Variants in DISC1 observed in about 807,000 individuals in gnomAD.
DISC1 encodes DISC1 scaffold protein.
In DISC1, 57 loss-of-function variants were observed where a neutral mutation model predicts 84.5. The ratio of observed to expected loss-of-function variants is 0.67; its 90% CI spans 0.55 to 0.84. DISC1 has a LOEUF of 0.84. DISC1 is among the 40% of genes least tolerant of loss of function. The pLI is 0.00. For missense variants in DISC1, 1,000 were observed against 1,057.8 expected (o/e 0.95, Z 0.76); for synonymous variants, 411 against 415.2 (o/e 0.99, Z 0.12).
chr1:231,686,883 C>G (rs2064345699), intron 1 of DISC1, among the ~76,000 whole-genome samples: 1 of 152,158 alleles, frequency 6.6e-6, no homozygotes, highest in Admixed American at 6.5e-5. Context: ...GCCAGATACC[C>G]TAAATCATCC....
intron 9 of DISC1, among the ~76,000 whole-genome samples, chr1:231,864,742 G>A (rs1399839542): frequency 3.3e-5 from 5 of 152,248 alleles, no homozygotes; most frequent in East Asian, 3.9e-4. Flanking sequence ...CGTGATGACC[G>A]TTTAAAAAGA....
chr1:231,745,076 T>C lies in DISC1; in HGVS notation c.1118-4850T>C, dbSNP rs544051781. 5.3e-5 allele frequency among the ~76,000 whole-genome samples: 8 copies of C among 152,294 alleles called. No homozygotes were observed. In the East Asian group the frequency reaches 1.3e-3, roughly 26 times the overall value. The stretch of plus-strand genomic sequence containing the variant: ...TTTAAATAAAAAAATTTAATATCTT[T>C]ATTTTTTGTCAATTGATTTTTCCCC... On this transcript the variant is annotated intron_variant, in intron 3 of 12. Transcript: ENST00000439617.
At chr1:231,947,422 G>A (rs183671709) in intron 9 of DISC1, among the ~76,000 whole-genome samples, 1 of 152,112 alleles carries the variant, frequency 6.6e-6, no homozygotes, top group African/African-American at 2.4e-5. Flanking sequence ...AACTGAAACT[G>A]GACCCCTTCC....
intron 10 of DISC1, among the ~76,000 whole-genome samples, chr1:231,996,214 T>G (rs572111995): frequency 4.7e-4 from 71 of 152,298 alleles, no homozygotes; most frequent in African/African-American, 1.7e-3. Flanking sequence ...TAAATTTGTT[T>G]GTGTTCATTG....
At chr1:231,886,812 TTTCTTTCTTTCTTTCTTTCTTTCC>T (rs1370021966) in intron 9 of DISC1, among the ~76,000 whole-genome samples, 1 of 144,456 alleles carries the variant, frequency 6.9e-6, no homozygotes, top group Non-Finnish European at 1.5e-5. Flanking sequence ...TCTTTCTTTC[TTTCTTTCTTTCTTTCTTTCTTTCC>T]TTCTTTCTTT....
rs1331912193 is a variant in DISC1 at position 231,934,691 on chromosome 1, T to C, written c.1982-24137T>C. Among the ~76,000 whole-genome samples the C allele has an allele frequency of 5.3e-5, 8 of 152,240 alleles. No individual in the cohort carries two copies. In the East Asian group the frequency reaches 1.5e-3, roughly 29 times the overall value. On this transcript the variant is annotated intron_variant, in intron 9 of 12. Transcript: ENST00000439617. Reference sequence around the variant, plus strand: ...TGTTAGGTTTCTTAGGTGAATGATCTGTTTAATAAAATTATTGGAAATGCA... The same window carrying C: ...TGTTAGGTTTCTTAGGTGAATGATCCGTTTAATAAAATTATTGGAAATGCA...
intron 9 of DISC1, among the ~76,000 whole-genome samples, chr1:231,839,716 T>G (rs762091250): frequency 5.3e-5 from 8 of 152,238 alleles, no homozygotes; most frequent in Non-Finnish European, 1.0e-4. Context: ...CTTATAGTTC[T>G]GCAGGCTGTA....
intron 9 of DISC1, among the ~76,000 whole-genome samples, chr1:231,898,541 T>C (rs1171291921): frequency 6.6e-6 from 1 of 152,328 alleles, no homozygotes; most frequent in South Asian, 2.1e-4. Context: ...TGGAAAGTTT[T>C]GAAGTAAACA....
At chr1:231,884,274 A>G (rs143208558) in intron 9 of DISC1, among the ~76,000 whole-genome samples, 8 of 152,358 alleles carry the variant, frequency 5.3e-5, no homozygotes, top group Middle Eastern at 3.4e-3. Flanking sequence ...TATAACAAAT[A>G]CAATAACAGG....
chr1:231,818,712 A>G (rs1174408294), intron 9 of DISC1, 195 bp downstream of exon 9: 8 of 1,423,476 alleles, frequency 5.6e-6, no homozygotes, highest in African/African-American at 1.4e-5. Flanking sequence ...TTTTGTTTTC[A>G]TATTCACATG....
intron 3 of DISC1, among the ~76,000 whole-genome samples, chr1:231,711,561 G>A (rs1464303240): frequency 1.3e-5 from 2 of 151,450 alleles, no homozygotes; most frequent in African/African-American, 4.9e-5. Flanking sequence ...ATAGAGACGG[G>A]GTTTCACCGT....
At chr1:231,857,887 G>A (rs1276328137) in intron 9 of DISC1, among the ~76,000 whole-genome samples, 2 of 152,172 alleles carry the variant, frequency 1.3e-5, no homozygotes, top group African/African-American at 4.8e-5. Context: ...GGTTTATAGA[G>A]GAGAAACCTA....
At chr1:231,756,727 T>C (rs1411449784) in intron 4 of DISC1, among the ~76,000 whole-genome samples, 1 of 152,188 alleles carries the variant, frequency 6.6e-6, no homozygotes, top group Non-Finnish European at 1.5e-5. Context: ...GTATATGGCT[T>C]GGTGTAGTTA....
At position 231,848,256 on chromosome 1, in the gene DISC1, C is replaced by T. The variant is rs564528560; in HGVS notation, c.1981+29739C>T. On this transcript the variant is annotated intron_variant, in intron 9 of 12. Coordinates refer to ENST00000439617, the MANE Select transcript of DISC1 (RefSeq NM_018662.3). ...TCAAGTTTGGGGCAGCATCAAACTG[C>T]GCCACTAGACTGCATCCCATGATGC... Among the ~76,000 whole-genome samples the T allele has an allele frequency of 3.0e-4, 45 of 152,092 alleles. No individual in the cohort carries two copies. The South Asian group carries it at 8.7e-3, about 30-fold the overall frequency.
At chr1:231,931,475 C>T (rs147792165) in intron 9 of DISC1, among the ~76,000 whole-genome samples, 84 of 152,210 alleles carry the variant, frequency 5.5e-4, no homozygotes, top group African/African-American at 1.9e-3. Flanking sequence ...CTCACTGGTT[C>T]CTGGCAGGGT....
chr1:232,024,362 C>G (rs77545015), intron 11 of DISC1, among the ~76,000 whole-genome samples: 4,442 of 152,150 alleles, frequency 0.029, 81 homozygotes, highest in East Asian at 0.053. Flanking sequence ...AGGTAGTTGG[C>G]CATTGGCATG....
intron 10 of DISC1, among the ~76,000 whole-genome samples, chr1:231,970,666 A>G (rs2102818233): frequency 6.6e-6 from 1 of 152,330 alleles, no homozygotes. Flanking sequence ...ACTTTCACTA[A>G]TAGAATAGAA....
chr1:231,761,532 T>C (rs2075665278), intron 4 of DISC1, among the ~76,000 whole-genome samples: 1 of 152,138 alleles, frequency 6.6e-6, no homozygotes. Context: ...AGAGTTTTGG[T>C]TAATCACAGG....
At chr1:231,665,101 T>C (rs1479761274) in intron 1 of DISC1, among the ~76,000 whole-genome samples, 1 of 152,168 alleles carries the variant, frequency 6.6e-6, no homozygotes, top group Non-Finnish European at 1.5e-5. Flanking sequence ...AATGCAGTAT[T>C]AAATCATAAT....
Sources: allele counts gnomAD v4.1 joint callset (sites outside exome capture counted in the v4.1 genomes callset), GRCh38; gene constraint gnomAD v4.1.1; transcripts MANE v1.5; gene names NCBI Gene and HGNC (gene_info 2026-07-23, HGNC 2026-07-21).